POLR3B: variants seen among roughly 807,000 people sequenced by gnomAD.
POLR3B encodes DNA-directed RNA polymerase III subunit RPC2.
POLR3B carries 96 observed loss-of-function variants against 147.4 expected under a neutral mutation model. The ratio of observed to expected loss-of-function variants is 0.65; its 90% CI spans 0.55 to 0.77. POLR3B has a LOEUF of 0.77. Ranked by LOEUF, POLR3B falls within the 30% of genes least tolerant of loss-of-function variation. The pLI is 0.00. For synonymous variants in POLR3B, 461 were observed against 485.9 expected (o/e 0.95, Z 0.67); for missense variants, 1,036 against 1,413.5 (o/e 0.73, Z 4.28).
Position 106,496,777 on chromosome 12 carries a change from C to T in POLR3B, c.2843C>T (p.Ala948Val), listed in dbSNP as rs779604405. 5.1e-5 allele frequency: 82 copies of T among 1,614,022 alleles called. No homozygotes were observed. The highest frequency in any genetic ancestry group is 6.7e-5 in the Non-Finnish European group (79 of 1,180,010). Residue 948 changes from alanine (A) to valine (V), a missense_variant, in exon 25 of 28, where the codon GCT becomes GTT. This residue lies in a region of POLR3B where 88 missense variants were observed against 87.5 expected (regional missense o/e 1.01). Transcript: ENST00000228347. The part of the protein sequence containing the change: ...MTVGKLIELL[A>V]GKAGVLDGRF... ...GTGGGGAAGCTCATTGAGCTGCTGG[C>T]TGGCAAGGCCGGTGTGCTGGACGGC...
chr12:106,452,638 T>G (rs2037811972), intron 19 of POLR3B, among the ~76,000 whole-genome samples: 1 of 152,202 alleles, frequency 6.6e-6, no homozygotes, highest in Admixed American at 6.6e-5. Flanking sequence ...ACAAACTTAT[T>G]GTCAGTGAAC....
chr12:106,436,674 T>C (rs1447363988), intron 16 of POLR3B, among the ~76,000 whole-genome samples: 1 of 152,248 alleles, frequency 6.6e-6, no homozygotes, highest in East Asian at 1.9e-4. Context: ...AGTTTTTAGA[T>C]TGATACATTA....
intron 16 of POLR3B, among the ~76,000 whole-genome samples, chr12:106,434,696 G>A (rs939552246): frequency 1.3e-5 from 2 of 152,008 alleles, no homozygotes; most frequent in Admixed American, 6.6e-5. Context: ...TGTATACCTC[G>A]GGTAGTGTTG....
At chr12:106,498,208 G>A (rs1318324738) in intron 25 of POLR3B, among the ~76,000 whole-genome samples, 1 of 152,166 alleles carries the variant, frequency 6.6e-6, no homozygotes, top group East Asian at 1.9e-4. Context: ...TAAGGGAGAG[G>A]AAAAGTTATG....
Position 106,427,400 on chromosome 12 carries a change from G to T in POLR3B, c.1263+42G>T, listed in dbSNP as rs536904093. ...TCTTTTAGGATTTTGTAATTTATTT[G>T]TAAACCTATTCAATAGAACAGAAAC... On this transcript the variant is annotated intron_variant, in intron 13 of 27. Transcript: ENST00000228347. 9.7e-6 allele frequency: 15 copies of T among 1,540,350 alleles called. No homozygotes were observed. In the African/African-American group the frequency reaches 1.6e-4, roughly 17 times the overall value.
intron 12 of POLR3B, among the ~76,000 whole-genome samples, chr12:106,425,171 C>T (rs2037419831): frequency 6.6e-6 from 1 of 152,154 alleles, no homozygotes; most frequent in Admixed American, 6.5e-5. Flanking sequence ...TGAGCATGGG[C>T]AATCTTTTCT....
chr12:106,495,893 A>G (rs887545692), intron 23 of POLR3B, 162 bp from the exon 24 acceptor site: 8 of 734,480 alleles, frequency 1.1e-5, no homozygotes, highest in Admixed American at 7.4e-5. Flanking sequence ...CTGTTTGTCA[A>G]GCAGGATTGT....
intron 12 of POLR3B, among the ~76,000 whole-genome samples, chr12:106,426,222 T>TTGTGTGGGTG (rs2037432531): frequency 7.6e-6 from 1 of 131,130 alleles, no homozygotes; most frequent in Non-Finnish European, 1.6e-5. Context: ...GGCCTGCAAT[T>TTGTGTGGGTG]TGTGTGTGTG....
intron 6 of POLR3B, among the ~76,000 whole-genome samples, chr12:106,375,933 C>T (rs1296792583): frequency 2.0e-5 from 3 of 152,202 alleles, no homozygotes; most frequent in African/African-American, 7.2e-5. Context: ...GCAGCTTCCA[C>T]CTCCAAGTTC....
intron 8 of POLR3B, 132 bp from the exon 9 acceptor site, chr12:106,379,899 C>A: frequency 1.5e-6 from 1 of 686,534 alleles, no homozygotes; most frequent in African/African-American, 1.8e-5. Flanking sequence ...TTTTAAAGTA[C>A]TTATTAGAAA....
intron 25 of POLR3B, 114 bp downstream of exon 25, chr12:106,497,032 C>T (rs548375623): frequency 2.0e-5 from 21 of 1,050,506 alleles, no homozygotes; most frequent in African/African-American, 1.3e-4. Context: ...TTGTACAGCC[C>T]GTGGGCGGCA....
chr12:106,484,763 A>T (rs2038314847), intron 23 of POLR3B, among the ~76,000 whole-genome samples: 1 of 152,150 alleles, frequency 6.6e-6, no homozygotes, highest in South Asian at 2.1e-4. Flanking sequence ...GACACGAAGG[A>T]TACAAAGGAG....
chr12:106,416,471 C>T (rs1471052686), intron 12 of POLR3B, among the ~76,000 whole-genome samples: 1 of 151,974 alleles, frequency 6.6e-6, no homozygotes, highest in African/African-American at 2.4e-5. Flanking sequence ...CATGTGCCTG[C>T]CTATTCACTT....
chr12:106,401,508 A>T (rs2037066409), intron 10 of POLR3B, among the ~76,000 whole-genome samples: 1 of 152,226 alleles, frequency 6.6e-6, no homozygotes, highest in Admixed American at 6.5e-5. Context: ...AGCCAAAACA[A>T]AAAAAGAGAA....
Position 106,366,496 on chromosome 12 carries a change from TTC to T in POLR3B, c.106-16_106-15del, listed in dbSNP as rs2036537395. The T allele has an allele frequency of 1.3e-6, 2 of 1,579,906 alleles. No homozygotes were observed. Among genetic ancestry groups the T allele is most frequent in the Non-Finnish European group, 1.7e-6 (2 of 1,150,478 alleles). On this transcript the variant is annotated intron_variant, in intron 2 of 27. Coordinates refer to ENST00000228347, the MANE Select transcript of POLR3B (RefSeq NM_018082.6). ...TTGCACTTTTGCTAACCTGTTTACT[TTC>T]TCTTTCTATCTGTTTAGGTGAAAGG... is the stretch of plus-strand genomic sequence containing the variant.
chr12:106,423,001 T>G (rs965590930), intron 12 of POLR3B, among the ~76,000 whole-genome samples: 3 of 152,210 alleles, frequency 2.0e-5, no homozygotes, highest in Non-Finnish European at 4.4e-5. Context: ...TATAATTTTA[T>G]TCATGAGGGT....
At chr12:106,402,467 G>A (rs1376483921) in intron 10 of POLR3B, among the ~76,000 whole-genome samples, 1 of 152,056 alleles carries the variant, frequency 6.6e-6, no homozygotes, top group Non-Finnish European at 1.5e-5. Flanking sequence ...CTACTTTAAA[G>A]TTCATATGGA....
At chr12:106,368,218 G>A (rs1010054637) in intron 4 of POLR3B, among the ~76,000 whole-genome samples, 1 of 151,226 alleles carries the variant, frequency 6.6e-6, no homozygotes, top group African/African-American at 2.4e-5. Flanking sequence ...GGTTCATCTG[G>A]TATGCCCCCA....
chr12:106,497,815 G>A (rs942727409), intron 25 of POLR3B, among the ~76,000 whole-genome samples: 12 of 152,170 alleles, frequency 7.9e-5, no homozygotes, highest in African/African-American at 2.9e-4. Context: ...CTTCTCAGTA[G>A]GGCCTACTGT....
Sources: gnomAD v4.1 joint callset for allele counts (sites outside exome capture counted in the v4.1 genomes callset) on GRCh38, gnomAD v4.1.1 for gene constraint, gnomAD v4.1.1 regional missense constraint, MANE v1.5 for transcripts, NCBI Gene and HGNC (gene_info 2026-07-23, HGNC 2026-07-21) for gene names.